HAAO: variants seen among roughly 807,000 people sequenced by gnomAD.
The protein encoded by HAAO is 3-hydroxyanthranilate 3,4-dioxygenase.
A neutral mutation model predicts 46.2 loss-of-function variants in HAAO; 49 were observed. That is an observed-to-expected ratio of 1.06 (90% CI 0.84 to 1.34). The LOEUF is 1.34. Ranked by LOEUF, HAAO falls within the 40% of genes most tolerant of loss-of-function variation. HAAO has a pLI of 0.00. For missense variants in HAAO, 408 were observed against 364.5 expected, an observed-to-expected ratio of 1.12 and a Z score of -0.97; for synonymous variants, 157 against 145.2, an observed-to-expected ratio of 1.08 and a Z score of -0.58.
intron 4 of HAAO, among the ~76,000 whole-genome samples, chr2:42,775,904 G>A (rs1264571309): frequency 6.9e-6 from 1 of 145,106 alleles, no homozygotes; most frequent in East Asian, 2.0e-4. Flanking sequence ...TTGTAACTGA[G>A]GTTACTCTTA....
At chr2:42,778,247 ATCTCTCTGT>A (rs1671738552) in intron 4 of HAAO, among the ~76,000 whole-genome samples, 1 of 152,198 alleles carries the variant, frequency 6.6e-6, no homozygotes, top group African/African-American at 2.4e-5. Flanking sequence ...ACATCTGTGT[ATCTCTCTGT>A]ATGTGCTTTT....
chr2:42,770,879 G>C (rs1359544188), intron 4 of HAAO, among the ~76,000 whole-genome samples: 1 of 152,224 alleles, frequency 6.6e-6, no homozygotes, highest in Non-Finnish European at 1.5e-5. Context: ...ACTCACAGAA[G>C]CTGAGCAATT....
rs766228505 is a variant in HAAO at position 42,788,492 on chromosome 2, C to G, written c.159+37G>C. The G allele has an allele frequency of 2.2e-6, 3 of 1,354,526 alleles. No individual in the cohort carries two copies. In the South Asian group the frequency reaches 3.5e-5, roughly 16 times the overall value. The allele number at this position is 1,354,526 out of a possible 1,614,324, so 83.9% of individuals were successfully genotyped here. On this transcript the variant is annotated intron_variant, in intron 2 of 9. Coordinates refer to ENST00000294973, the MANE Select transcript of HAAO (RefSeq NM_012205.3). ...CTCCCGCTAGGGCCAGGCTCCTTGCCCGCAGGCCTAGATCCAGGGAGACCA... is the reference window on the plus strand; with the variant it reads ...CTCCCGCTAGGGCCAGGCTCCTTGCGCGCAGGCCTAGATCCAGGGAGACCA...
At position 42,778,195 on chromosome 2, in the gene HAAO, G is replaced by GA. The variant is rs951318783; in HGVS notation, c.350+5118dup. Among the ~76,000 whole-genome samples, 30 of 150,950 alleles carry GA rather than the reference G, an allele frequency of 2.0e-4. 1 individual carries two copies. The highest frequency in any genetic ancestry group is 1.3e-3 in the South Asian group (6 of 4,754). ...TATTATTAAGTTTTCGGTTGCTTAG[G>GA]AAAAAAACTGAGATTAAATTTTTTC... On this transcript the variant is annotated intron_variant, in intron 4 of 9. Coordinates refer to ENST00000294973, the MANE Select transcript of HAAO (RefSeq NM_012205.3).
At chr2:42,780,567 G>A (rs1350164484) in intron 4 of HAAO, among the ~76,000 whole-genome samples, 1 of 151,962 alleles carries the variant, frequency 6.6e-6, no homozygotes, top group Non-Finnish European at 1.5e-5. Flanking sequence ...TTAGAATAGA[G>A]AAGAAAAACT....
chr2:42,777,218 G>A (rs193126654), intron 4 of HAAO, among the ~76,000 whole-genome samples: 135 of 146,836 alleles, frequency 9.2e-4, no homozygotes, highest in African/African-American at 3.3e-3. Context: ...CAGGAGGATC[G>A]CTTGAACCTG....
At chr2:42,783,721 G>C (rs887014153) in intron 3 of HAAO, 63 bp downstream of exon 3, 3 of 1,399,642 alleles carry the variant, frequency 2.1e-6, no homozygotes, top group East Asian at 4.8e-5. Flanking sequence ...AGGATGAGTG[G>C]ACAGGGCGGA....
chr2:42,768,177 G>T (rs148514415), intron 7 of HAAO, among the ~76,000 whole-genome samples: 1 of 152,234 alleles, frequency 6.6e-6, no homozygotes, highest in Non-Finnish European at 1.5e-5. Context: ...CAGTGCACCC[G>T]TGGTCCCTCT....
rs372480367 is a variant in HAAO at position 42,783,357 on chromosome 2, C to G, written c.307G>C (p.Val103Leu). Residue 103 changes from valine (V) to leucine (L), a missense_variant, in exon 4 of 10, where the codon GTG becomes CTG. Physicochemically the swap from Val to Leu is conservative, Grantham distance 32. Transcript: ENST00000294973. Reference protein sequence around the residue: ...PQRFANTVGLVVERRRLETEL... With the variant: ...PQRFANTVGLLVERRRLETEL... ...GTCTCCAGCCGCCTTCGCTCAACCA[C>G]CAGCCCCACGGTGTTGGCAAACCTC... 65 of 1,613,390 alleles carry G rather than the reference C, an allele frequency of 4.0e-5. No homozygotes were observed. The highest frequency in any genetic ancestry group is 5.4e-5 in the Non-Finnish European group (64 of 1,179,724).
chr2:42,790,026 A>G (rs1672671313), intron 1 of HAAO, among the ~76,000 whole-genome samples: 1 of 152,134 alleles, frequency 6.6e-6, no homozygotes, highest in African/African-American at 2.4e-5. Flanking sequence ...AGCAGCCTAG[A>G]GGCTGCCTGC....
At chr2:42,771,008 G>A (rs539421231) in intron 4 of HAAO, among the ~76,000 whole-genome samples, 4 of 152,314 alleles carry the variant, frequency 2.6e-5, no homozygotes, top group African/African-American at 9.6e-5. Flanking sequence ...AGCTGAGGCT[G>A]AGCCTGAAAC....
intron 1 of HAAO, among the ~76,000 whole-genome samples, chr2:42,789,827 A>G (rs538699684): frequency 6.6e-6 from 1 of 152,318 alleles, no homozygotes; most frequent in East Asian, 1.9e-4. Flanking sequence ...CCTCCTGAGA[A>G]CAGCCTGCCC....
At chr2:42,789,544 G>C (rs1471746517) in intron 1 of HAAO, among the ~76,000 whole-genome samples, 1 of 149,622 alleles carries the variant, frequency 6.7e-6, no homozygotes. Flanking sequence ...ACTCCAGCCT[G>C]GGTAACAGGG....
At chr2:42,777,425 A>G (rs1307811068) in intron 4 of HAAO, among the ~76,000 whole-genome samples, 2 of 152,044 alleles carry the variant, frequency 1.3e-5, no homozygotes, top group African/African-American at 2.4e-5. Context: ...TAAGACGTCT[A>G]TCTATGTGTT....
intron 7 of HAAO, 101 bp downstream of exon 7, chr2:42,769,612 T>G: frequency 1.3e-6 from 1 of 759,136 alleles, no homozygotes; most frequent in Non-Finnish European, 2.0e-6. Flanking sequence ...TGTGAGTGTG[T>G]GTGTGAAAGA....
Position 42,767,404 on chromosome 2 carries a change from C to T in HAAO, c.*33G>A. On this transcript the variant is annotated 3_prime_UTR_variant, in exon 10 of 10. Coordinates refer to ENST00000294973, the MANE Select transcript of HAAO (RefSeq NM_012205.3). ...GGATGGCACTCGAGGGTGCTTGGCA[C>T]ACCTGTGGCTGCTTCAGGCCATGGC... The T allele has an allele frequency of 6.6e-7, 1 of 1,526,238 alleles. No individual in the cohort carries two copies. Among genetic ancestry groups the T allele is most frequent in the Non-Finnish European group, 9.1e-7 (1 of 1,103,818 alleles). The allele number at this position is 1,526,238 out of a possible 1,614,324, so 94.5% of individuals were successfully genotyped here. A position where few individuals can be genotyped will look rare whatever the true frequency, so the allele number is the denominator to read the frequency against.
chr2:42,779,956 T>G (rs1671864560), intron 4 of HAAO, among the ~76,000 whole-genome samples: 1 of 152,194 alleles, frequency 6.6e-6, no homozygotes, highest in South Asian at 2.1e-4. Context: ...TTTGTATAAA[T>G]ATATTATTGG....
intron 4 of HAAO, among the ~76,000 whole-genome samples, chr2:42,781,332 A>G (rs1671981373): frequency 6.6e-6 from 1 of 152,136 alleles, no homozygotes; most frequent in Non-Finnish European, 1.5e-5. Flanking sequence ...GCCAATAAAA[A>G]CCCTTTAGGG....
chr2:42,776,815 G>A (rs1209926678), intron 4 of HAAO, among the ~76,000 whole-genome samples: 1 of 150,144 alleles, frequency 6.7e-6, no homozygotes, highest in Non-Finnish European at 1.5e-5. Flanking sequence ...TGTATTTTTA[G>A]TAGAGACGGG....
Sources: gnomAD v4.1 joint callset for allele counts (sites outside exome capture counted in the v4.1 genomes callset) on GRCh38, gnomAD v4.1.1 for gene constraint, MANE v1.5 for transcripts, NCBI Gene and HGNC (gene_info 2026-07-23, HGNC 2026-07-21) for gene names.